The following ACSF3 variants were observed in gnomAD, a reference collection of about 807,000 sequenced individuals.
ACSF3 encodes the protein malonate--CoA ligase ACSF3, mitochondrial.
In ACSF3, 78 loss-of-function variants were observed where a neutral mutation model predicts 53.2. The observed-to-expected ratio is 1.47, with a 90% CI of 1.22 to 1.77. The LOEUF (loss-of-function observed/expected upper bound fraction) is 1.77, where lower values mean the gene tolerates loss of function less well. ACSF3 is among the 40% of genes most tolerant of loss of function. The pLI is 0.00. For missense variants in ACSF3, 937 were observed against 771.1 expected (o/e 1.22, Z -2.55); for synonymous variants, 414 against 333.1 (o/e 1.24, Z -2.65).
intron 10 of ACSF3, among the ~76,000 whole-genome samples, chr16:89,146,959 T>G (rs912285513): frequency 2.0e-5 from 3 of 152,148 alleles, no homozygotes; most frequent in African/African-American, 7.2e-5. Context: ...GCTTTTAGTT[T>G]CACCTACAGT....
rs538507875 is a variant in ACSF3, at chr16:89,155,323, C to T, written c.*1116C>T. 1.8e-4 allele frequency: 82 copies of T among 453,094 alleles called. No individual in the cohort carries two copies. The highest frequency in any genetic ancestry group is 7.0e-4 in the African/African-American group (35 of 50,128). The allele number at this position is 453,094 out of a possible 1,614,324, so 28.1% of individuals were successfully genotyped here. ...AAAGAGTGGCCAGAAACGAGTGTGC[C>T]GGGCAGGAGGCCAGCCCCATCTCAG... On this transcript the variant is annotated 3_prime_UTR_variant, in exon 11 of 11. Coordinates refer to ENST00000614302, the MANE Select transcript of ACSF3 (RefSeq NM_001243279.3).
intron 3 of ACSF3, chr16:89,102,316 G>C (rs1304236276): frequency 2.1e-6 from 1 of 472,154 alleles, no homozygotes. Context: ...GAGCTCTGTC[G>C]ACCTGGTGTC....
In ACSF3 at chr16:89,112,710, C is replaced by G. The variant is rs556798200; in HGVS notation, c.977+464C>G. ...TCTCTCCATCTGTCTTTGTCTCCGT[C>G]TGTCTGTCTGCTCTCTCTCCTGTCC... On this transcript the variant is annotated intron_variant, in intron 5 of 10. Coordinates refer to ENST00000614302, the MANE Select transcript of ACSF3 (RefSeq NM_001243279.3). Among the ~76,000 whole-genome samples, 9 of 152,300 alleles carry G rather than the reference C, an allele frequency of 5.9e-5. No homozygotes were observed. In the East Asian group the frequency reaches 1.5e-3, roughly 26 times the overall value.
At chr16:89,134,867 T>C (rs1471651374) in intron 8 of ACSF3, among the ~76,000 whole-genome samples, 1 of 152,218 alleles carries the variant, frequency 6.6e-6, no homozygotes, top group Non-Finnish European at 1.5e-5. Context: ...GAAATCCAGC[T>C]AGTCCTGTCT....
At chr16:89,125,527 C>G (rs1907829523) in intron 7 of ACSF3, among the ~76,000 whole-genome samples, 1 of 151,872 alleles carries the variant, frequency 6.6e-6, no homozygotes, top group Non-Finnish European at 1.5e-5. Flanking sequence ...AACCCTGTCT[C>G]TACTGAAAAT....
At chr16:89,118,761 C>A (rs1905848812) in intron 6 of ACSF3, among the ~76,000 whole-genome samples, 1 of 152,214 alleles carries the variant, frequency 6.6e-6, no homozygotes, top group African/African-American at 2.4e-5. Flanking sequence ...TCCAGGGCCT[C>A]ATTGGCGGTT....
intron 6 of ACSF3, among the ~76,000 whole-genome samples, chr16:89,118,973 G>A (rs930883090): frequency 1.3e-5 from 2 of 152,194 alleles, no homozygotes; most frequent in African/African-American, 4.8e-5. Flanking sequence ...CCGGGGCACA[G>A]CGAGCGGCAC....
intron 7 of ACSF3, among the ~76,000 whole-genome samples, chr16:89,123,315 C>T (rs369219014): frequency 1.1e-4 from 16 of 152,312 alleles, no homozygotes; most frequent in African/African-American, 3.4e-4. Context: ...CTCTGAAAAG[C>T]CCCAGCATCA....
intron 8 of ACSF3, among the ~76,000 whole-genome samples, chr16:89,142,756 CACACCCACACCTACAGAG>C (rs919464794): frequency 5.3e-5 from 8 of 151,676 alleles, no homozygotes; most frequent in South Asian, 2.1e-4. Flanking sequence ...CCTGCAGAGA[CACACCCACACCTACAGAG>C]ACACCCACAC....
chr16:89,113,960 C>G, intron 5 of ACSF3: 1 of 355,918 alleles, frequency 2.8e-6, no homozygotes, highest in South Asian at 2.2e-5. Context: ...TGGCTGTTCA[C>G]CCGTGATCAG....
In ACSF3 at chr16:89,101,348, G is replaced by A. The variant is rs1336382616; in HGVS notation, c.666+1G>A. On this transcript the variant is annotated splice_donor_variant, in intron 3 of 10. Coordinates refer to ENST00000614302, the MANE Select transcript of ACSF3 (RefSeq NM_001243279.3). LOFTEE classifies it high-confidence loss of function. Reference sequence around the variant, plus strand: ...CACGCACCAAAACATCAGGGCTGTGGTGAGTGCCGCCTGGCGCCGTGATGG... The same window carrying A: ...CACGCACCAAAACATCAGGGCTGTGATGAGTGCCGCCTGGCGCCGTGATGG... 5 of 1,579,892 alleles carry A rather than the reference G, an allele frequency of 3.2e-6. No individual in the cohort carries two copies. Among genetic ancestry groups the A allele is most frequent in the East Asian group, 4.6e-5 (2 of 43,034 alleles).
intron 7 of ACSF3, among the ~76,000 whole-genome samples, chr16:89,131,127 C>CTTTTTTTTTTTTTTT (rs558773398): frequency 3.3e-4 from 23 of 69,558 alleles, no homozygotes; most frequent in African/African-American, 5.2e-4. Context: ...TTTTCTTTTT[C>CTTTTTTTTTTTTTTT]TTTTTTTTTT....
At chr16:89,120,753 G>C in intron 6 of ACSF3, 48 bp from the exon 7 acceptor site, 2 of 1,566,424 alleles carry the variant, frequency 1.3e-6, no homozygotes, top group Non-Finnish European at 1.8e-6. Context: ...CTCTCCTCCA[G>C]GTTCCTCTCA....
chr16:89,120,750 C>A (rs557200129), intron 6 of ACSF3, 51 bp from the exon 7 acceptor site: 1 of 1,556,704 alleles, frequency 6.4e-7, no homozygotes, highest in Admixed American at 1.7e-5. Context: ...CTTCTCTCCT[C>A]CAGGTTCCTC....
chr16:89,098,068 C>G (rs947573023), intron 1 of ACSF3, among the ~76,000 whole-genome samples: 6 of 151,324 alleles, frequency 4.0e-5, no homozygotes, highest in African/African-American at 1.5e-4. Context: ...AGCGAGACTC[C>G]GTCTCAAAAA....
Position 89,133,225 on chromosome 16 carries a change from T to TA in ACSF3, c.1331dup (p.Ser445GlufsTer10). 6.2e-7 allele frequency: 1 copy of TA among 1,614,060 alleles called. No individual in the cohort carries two copies. The highest frequency in any genetic ancestry group is 8.5e-7 in the Non-Finnish European group (1 of 1,179,990). ...AATACTGGAATAAACCAGAAGAAAC[T>TA]AAGAGTGCATTCACCCTGGATGGCT... On this transcript the variant is annotated frameshift_variant, in exon 8 of 11. Transcript: ENST00000614302. LOFTEE classifies it high-confidence loss of function.
chr16:89,106,507 T>C (rs1162225989), intron 4 of ACSF3, among the ~76,000 whole-genome samples: 1 of 152,174 alleles, frequency 6.6e-6, no homozygotes, highest in Non-Finnish European at 1.5e-5. Flanking sequence ...TTGGCCAGGC[T>C]GGTCTAGAAC....
chr16:89,119,502 G>A (rs1019487520), intron 6 of ACSF3, among the ~76,000 whole-genome samples: 3 of 152,222 alleles, frequency 2.0e-5, no homozygotes, highest in South Asian at 4.1e-4. Flanking sequence ...GAACACCGCC[G>A]TGCCGCGCAC....
chr16:89,099,659 A>G (rs1328173388), intron 2 of ACSF3, among the ~76,000 whole-genome samples: 1 of 152,010 alleles, frequency 6.6e-6, no homozygotes, highest in Non-Finnish European at 1.5e-5. Context: ...GTGCGCACCT[A>G]TAATCCCAGC....
Sources: gnomAD v4.1 joint callset for allele counts (sites outside exome capture counted in the v4.1 genomes callset) on GRCh38, gnomAD v4.1.1 for gene constraint, MANE v1.5 for transcripts, NCBI Gene and HGNC (gene_info 2026-07-23, HGNC 2026-07-21) for gene names.